The following RORA variants were observed in gnomAD, a reference collection of about 807,000 sequenced individuals.
RORA encodes the protein RAR related orphan receptor A, also known as nuclear receptor ROR-alpha.
Under a neutral mutation model 69.5 loss-of-function variants are expected in RORA, and 7 were observed. That is an observed-to-expected ratio of 0.10 (90% confidence interval 0.06 to 0.19). The LOEUF (loss-of-function observed/expected upper bound fraction) is 0.19. RORA is among the 10% of genes least tolerant of loss of function. The pLI is 1.00. For synonymous variants in RORA, 261 were observed against 240.8 expected (o/e 1.08, Z -0.78); for missense variants, 457 against 663.0 (o/e 0.69, Z 3.41).
intron 1 of RORA, among the ~76,000 whole-genome samples, chr15:60,773,385 T>C (rs752063416): frequency 6.6e-6 from 1 of 152,196 alleles, no homozygotes; most frequent in Non-Finnish European, 1.5e-5. Context: ...GGATATAGTA[T>C]ATACATGGTC....
rs115473006 is a variant in RORA at position 60,739,677 on chromosome 15, C to T, written c.167-60991G>A. Among the ~76,000 whole-genome samples, 332 of 152,280 alleles carry T rather than the reference C, an allele frequency of 2.2e-3. 2 individuals carry two copies. The highest frequency in any genetic ancestry group is 7.6e-3 in the African/African-American group (316 of 41,546). ...AAGGTGAACTTCTCTCAATGCCCCA[C>T]TTCATACAAGTGCCCTGCCTCGGGG... On this transcript the variant is annotated intron_variant, in intron 1 of 10. Transcript: ENST00000335670.
intron 1 of RORA, among the ~76,000 whole-genome samples, chr15:60,940,481 G>T (rs1892659775): frequency 6.6e-6 from 1 of 152,144 alleles, no homozygotes; most frequent in African/African-American, 2.4e-5. Flanking sequence ...CTGATCTGTG[G>T]AAGCCAGAGG....
At chr15:61,085,773 C>T (rs1185392562) in intron 1 of RORA, among the ~76,000 whole-genome samples, 1 of 152,212 alleles carries the variant, frequency 6.6e-6, no homozygotes, top group Non-Finnish European at 1.5e-5. Flanking sequence ...TTTTGTTTTT[C>T]CATGCCCCCA....
intron 1 of RORA, among the ~76,000 whole-genome samples, chr15:60,809,022 A>T (rs1239505531): frequency 1.3e-5 from 2 of 152,114 alleles, no homozygotes; most frequent in Non-Finnish European, 2.9e-5. Flanking sequence ...GACTCAGAGG[A>T]AATGTTGGGG....
intron 1 of RORA, among the ~76,000 whole-genome samples, chr15:60,787,911 G>T (rs150873789): frequency 6.6e-6 from 1 of 152,240 alleles, no homozygotes; most frequent in Admixed American, 6.5e-5. Flanking sequence ...TATTGATTGT[G>T]CTGGGCACCC....
chr15:60,972,105 G>A (rs1036338388), intron 1 of RORA, among the ~76,000 whole-genome samples: 14 of 152,180 alleles, frequency 9.2e-5, no homozygotes, highest in African/African-American at 3.4e-4. Flanking sequence ...TAAAAATGGT[G>A]CCACTGCTCA....
intron 1 of RORA, among the ~76,000 whole-genome samples, chr15:61,010,257 AG>A (rs1374457786): frequency 6.6e-6 from 1 of 152,192 alleles, no homozygotes; most frequent in East Asian, 1.9e-4. Flanking sequence ...GTAATTTTTC[AG>A]GGCCCCCTGG....
chr15:60,975,177 C>T (rs1427726324), intron 1 of RORA, among the ~76,000 whole-genome samples: 1 of 152,206 alleles, frequency 6.6e-6, no homozygotes, highest in East Asian at 1.9e-4. Flanking sequence ...AGCACAGATG[C>T]CCTTGGAAGC....
intron 1 of RORA, among the ~76,000 whole-genome samples, chr15:60,739,760 C>T (rs1348871044): frequency 6.6e-6 from 1 of 152,084 alleles, no homozygotes; most frequent in African/African-American, 2.4e-5. Flanking sequence ...TTTCATCCTG[C>T]ACATTTACCG....
rs548320098 is a variant in RORA at position 60,724,485 on chromosome 15, C to G, written c.167-45799G>C. ...GTGGAGCGGCTCCTTGTGTTTTATC[C>G]AGGTGTTCGGGCTCTCCAGGTCTCC... On this transcript the variant is annotated intron_variant, in intron 1 of 10. Transcript: ENST00000335670. 3.3e-5 allele frequency among the ~76,000 whole-genome samples: 5 copies of G among 152,258 alleles called. No individual in the cohort carries two copies. In the South Asian group the frequency reaches 1.0e-3, roughly 32 times the overall value.
intron 1 of RORA, among the ~76,000 whole-genome samples, chr15:61,191,287 G>C (rs1441417153): frequency 6.6e-5 from 10 of 151,390 alleles, no homozygotes; most frequent in Non-Finnish European, 1.0e-4. Context: ...ACACACTCAG[G>C]AATTGTCATC....
At chr15:60,596,009 G>C (rs952071862) in intron 2 of RORA, among the ~76,000 whole-genome samples, 2 of 152,190 alleles carry the variant, frequency 1.3e-5, no homozygotes, top group Non-Finnish European at 2.9e-5. Context: ...GTGCATTTTT[G>C]CAGGAGTCTA....
intron 2 of RORA, among the ~76,000 whole-genome samples, chr15:60,571,732 G>C (rs1349129677): frequency 6.6e-6 from 1 of 152,120 alleles, no homozygotes; most frequent in Admixed American, 6.5e-5. Flanking sequence ...TCTCTTGCAG[G>C]TCTAATAGTC....
At chr15:61,114,419 A>T (rs2079032917) in intron 1 of RORA, among the ~76,000 whole-genome samples, 1 of 152,178 alleles carries the variant, frequency 6.6e-6, no homozygotes, top group Non-Finnish European at 1.5e-5. Context: ...GTGGGGACCT[A>T]TGTTAATATG....
chr15:60,755,787 C>G (rs986178201), intron 1 of RORA, among the ~76,000 whole-genome samples: 1 of 152,192 alleles, frequency 6.6e-6, no homozygotes, highest in African/African-American at 2.4e-5. Context: ...TGTTTGCTAA[C>G]TCATCTCCTG....
intron 1 of RORA, among the ~76,000 whole-genome samples, chr15:60,844,854 A>G (rs1384135467): frequency 2.0e-5 from 3 of 152,208 alleles, no homozygotes; most frequent in Non-Finnish European, 4.4e-5. Flanking sequence ...AGATAAGGAG[A>G]TGAACTATCT....
chr15:61,159,633 C>T (rs1030848303), intron 1 of RORA, among the ~76,000 whole-genome samples: 8 of 152,108 alleles, frequency 5.3e-5, no homozygotes. Context: ...TCCAAAATAC[C>T]ACACTGTATT....
chr15:61,131,695 C>T lies in RORA; in HGVS notation c.166+97358G>A, dbSNP rs2079191584. 6.6e-6 allele frequency among the ~76,000 whole-genome samples: 1 copy of T among 152,200 alleles called. No homozygotes were observed. Among genetic ancestry groups the T allele is most frequent in the African/African-American group, 2.4e-5 (1 of 41,452 alleles). On this transcript the variant is annotated intron_variant, in intron 1 of 10. Transcript: ENST00000335670. This position sits in a 1 kb window ranked among gnomAD's most constrained non-coding sequence, Gnocchi z 4.2. The stretch of plus-strand genomic sequence containing the variant: ...TAATATGAAATGAAAGGCAATGTGC[C>T]AACATCGGAGCTCAATTTGGTACAG...
intron 1 of RORA, among the ~76,000 whole-genome samples, chr15:61,179,889 C>T (rs538886492): frequency 6.6e-6 from 1 of 151,812 alleles, no homozygotes; most frequent in Admixed American, 6.6e-5. Flanking sequence ...GTAATCCCAG[C>T]ACTTTGGGAG....
Sources: allele counts gnomAD v4.1 joint callset (sites outside exome capture counted in the v4.1 genomes callset), GRCh38; gene constraint gnomAD v4.1.1; non-coding constraint Gnocchi (gnomAD v3.1); transcripts MANE v1.5; gene names NCBI Gene and HGNC (gene_info 2026-07-23, HGNC 2026-07-21).